Variants in MGAT4C observed in about 807,000 individuals in gnomAD.
MGAT4C encodes the protein MGAT4 family member C, also known as alpha-1,3-mannosyl-glycoprotein 4-beta-N-acetylglucosaminyltransferase C.
In MGAT4C, 19 loss-of-function variants were observed where a neutral mutation model predicts 40.1. The observed-to-expected ratio is 0.47, with a 90% CI of 0.33 to 0.70. MGAT4C has a LOEUF of 0.70. Ranked by LOEUF, MGAT4C falls within the 30% of genes least tolerant of loss-of-function variation. MGAT4C has a pLI of 0.02. For missense variants in MGAT4C, 491 were observed against 563.2 expected (o/e 0.87, Z 1.30); for synonymous variants, 181 against 187.1 (o/e 0.97, Z 0.27).
intron 2 of MGAT4C, among the ~76,000 whole-genome samples, chr12:86,690,929 T>C (rs1950161064): frequency 6.6e-6 from 1 of 152,224 alleles, no homozygotes. Flanking sequence ...GCATAAGTTT[T>C]AGACTTGTAT....
intron 1 of MGAT4C, among the ~76,000 whole-genome samples, chr12:86,832,336 A>C (rs1226416259): frequency 1.3e-5 from 2 of 151,812 alleles, no homozygotes; most frequent in East Asian, 3.9e-4. Flanking sequence ...GGACTTATTT[A>C]CTTGCAAAAT....
At chr12:86,439,266 T>C (rs537703066) in intron 2 of MGAT4C, among the ~76,000 whole-genome samples, 9 of 152,068 alleles carry the variant, frequency 5.9e-5, no homozygotes, top group Admixed American at 4.6e-4. Flanking sequence ...CTTGAAACAA[T>C]ATCAAGTATC....
At chr12:86,515,867 C>T (rs912577671) in intron 2 of MGAT4C, among the ~76,000 whole-genome samples, 2 of 151,800 alleles carry the variant, frequency 1.3e-5, no homozygotes, top group African/African-American at 2.4e-5. Context: ...CTCAGCCTCC[C>T]GAGTAGCTGG....
chr12:86,266,131 C>A (rs1952781870), intron 4 of MGAT4C, among the ~76,000 whole-genome samples: 1 of 152,072 alleles, frequency 6.6e-6, no homozygotes, highest in Non-Finnish European at 1.5e-5. Flanking sequence ...CCTTTTATTT[C>A]TTTCTCTTGC....
chr12:86,474,192 T>A (rs1033603177), intron 2 of MGAT4C, among the ~76,000 whole-genome samples: 3 of 151,576 alleles, frequency 2.0e-5, no homozygotes, highest in African/African-American at 7.3e-5. Context: ...TATGCAGCCA[T>A]AAAAAATGAT....
chr12:86,599,312 A>T (rs1229880063), intron 2 of MGAT4C, among the ~76,000 whole-genome samples: 2 of 152,194 alleles, frequency 1.3e-5, no homozygotes, highest in East Asian at 3.8e-4. Flanking sequence ...GATTAGATGC[A>T]TTAAAAATTC....
chr12:85,987,963 C>G (rs974233317), intron 3 of MGAT4C, among the ~76,000 whole-genome samples: 1 of 152,144 alleles, frequency 6.6e-6, no homozygotes, highest in Admixed American at 6.5e-5. Flanking sequence ...CTCTAGTTAA[C>G]TTACAATCTT....
intron 1 of MGAT4C, among the ~76,000 whole-genome samples, chr12:86,228,586 C>G (rs188984569): frequency 2.6e-5 from 4 of 151,654 alleles, no homozygotes; most frequent in African/African-American, 7.3e-5. Context: ...CAGAATTTTT[C>G]TGCACTCTAA....
chr12:86,698,689 G>C (rs999253481), intron 2 of MGAT4C, among the ~76,000 whole-genome samples: 6 of 151,788 alleles, frequency 4.0e-5, no homozygotes, highest in Non-Finnish European at 2.9e-5. Flanking sequence ...GGGGGGGGTG[G>C]GTATTCTGTT....
intron 2 of MGAT4C, among the ~76,000 whole-genome samples, chr12:86,721,860 C>CTGTA (rs1010667266): frequency 3.9e-5 from 6 of 152,044 alleles, no homozygotes; most frequent in Admixed American, 1.3e-4. Flanking sequence ...AAATCTAATA[C>CTGTA]TGTATGTTTT....
chr12:86,475,779 T>C (rs984169456), intron 2 of MGAT4C, among the ~76,000 whole-genome samples: 1 of 152,092 alleles, frequency 6.6e-6, no homozygotes, highest in Non-Finnish European at 1.5e-5. Context: ...TTTGAATATA[T>C]CTGCTATAAA....
At chr12:86,187,750 C>CAAA (rs62814161) in intron 1 of MGAT4C, among the ~76,000 whole-genome samples, 2 of 148,062 alleles carry the variant, frequency 1.4e-5, no homozygotes, top group Non-Finnish European at 1.5e-5. Context: ...CTTCCAACTG[C>CAAA]AAAAAAAAAA....
At chr12:86,534,817 GT>G (rs1425832719) in intron 2 of MGAT4C, among the ~76,000 whole-genome samples, 1 of 152,010 alleles carries the variant, frequency 6.6e-6, no homozygotes, top group Non-Finnish European at 1.5e-5. Flanking sequence ...CCCCTGTTTT[GT>G]TATGAAGTGT....
chr12:86,140,780 T>C (rs1263713279), intron 1 of MGAT4C, among the ~76,000 whole-genome samples: 2 of 152,212 alleles, frequency 1.3e-5, no homozygotes, highest in Non-Finnish European at 2.9e-5. Context: ...ACTTGACAAA[T>C]AGTCAATGTT....
At chr12:86,684,076 A>C (rs1319350400) in intron 2 of MGAT4C, among the ~76,000 whole-genome samples, 2 of 152,136 alleles carry the variant, frequency 1.3e-5, no homozygotes, top group African/African-American at 4.8e-5. Flanking sequence ...TCAGGAAATT[A>C]CTCAAAAATG....
chr12:86,498,116 C>T (rs562854909), intron 2 of MGAT4C, among the ~76,000 whole-genome samples: 15 of 150,640 alleles, frequency 1.0e-4, no homozygotes, highest in South Asian at 4.1e-4. Flanking sequence ...AGCACATATT[C>T]CTCTTTCTGA....
At chr12:86,768,600 CT>C (rs1396332739) in intron 1 of MGAT4C, among the ~76,000 whole-genome samples, 1 of 151,578 alleles carries the variant, frequency 6.6e-6, no homozygotes, top group Non-Finnish European at 1.5e-5. Flanking sequence ...AGGCATCACG[CT>C]ACCTGACTTC....
intron 2 of MGAT4C, among the ~76,000 whole-genome samples, chr12:86,544,895 A>G (rs547860996): frequency 6.6e-6 from 1 of 152,224 alleles, no homozygotes; most frequent in Admixed American, 6.5e-5. Flanking sequence ...AATGAAAAAA[A>G]GATAACTGAG....
intron 2 of MGAT4C, among the ~76,000 whole-genome samples, chr12:86,452,989 G>A (rs1957452256): frequency 6.6e-6 from 1 of 152,144 alleles, no homozygotes; most frequent in Non-Finnish European, 1.5e-5. Context: ...TCAGTCACAT[G>A]AGTTTTGCAT....
Sources: allele counts gnomAD v4.1 joint callset (sites outside exome capture counted in the v4.1 genomes callset), GRCh38; gene constraint gnomAD v4.1.1; transcripts MANE v1.5; gene names NCBI Gene and HGNC (gene_info 2026-07-23, HGNC 2026-07-21).